PTPRM: variants seen among roughly 807,000 people sequenced by gnomAD.
The protein encoded by PTPRM is receptor-type tyrosine-protein phosphatase mu.
In PTPRM, 47 loss-of-function variants were observed where a neutral mutation model predicts 186.7. The observed-to-expected ratio is 0.25, with a 90% confidence interval of 0.20 to 0.32. PTPRM has a LOEUF of 0.32. Ranked by LOEUF, PTPRM falls within the 10% of genes least tolerant of loss-of-function variation. The pLI is 1.00. For synonymous variants in PTPRM, 668 were observed against 674.9 expected (o/e 0.99, Z 0.16); for missense variants, 1,494 against 1,865.0 (o/e 0.80, Z 3.66).
intron 10 of PTPRM, among the ~76,000 whole-genome samples, chr18:8,087,825 T>C (rs913457885): frequency 1.3e-5 from 2 of 152,192 alleles, no homozygotes; most frequent in Non-Finnish European, 2.9e-5. Context: ...GAAAACGACC[T>C]CTAGCTTTCT....
intron 7 of PTPRM, among the ~76,000 whole-genome samples, chr18:8,014,570 T>C (rs778162557): frequency 6.6e-6 from 1 of 152,250 alleles, no homozygotes; most frequent in Non-Finnish European, 1.5e-5. Context: ...TTCAGTTGTT[T>C]ACTGCTAAAT....
At chr18:8,114,214 C>T (rs1005972045) in intron 12 of PTPRM, among the ~76,000 whole-genome samples, 1 of 149,494 alleles carries the variant, frequency 6.7e-6, no homozygotes, top group African/African-American at 2.5e-5. Context: ...AATTTGGTAT[C>T]TTTTTTTTTT....
intron 1 of PTPRM, among the ~76,000 whole-genome samples, chr18:7,763,596 A>G (rs955882789): frequency 2.0e-5 from 3 of 152,182 alleles, no homozygotes; most frequent in African/African-American, 7.2e-5. Flanking sequence ...GTATTAGAAG[A>G]AGTTCTCCTC....
At chr18:7,700,455 C>T (rs769534679) in intron 1 of PTPRM, among the ~76,000 whole-genome samples, 12 of 152,164 alleles carry the variant, frequency 7.9e-5, no homozygotes, top group Non-Finnish European at 1.6e-4. Context: ...AGCTGAAGTC[C>T]TAGGTAGTAG....
At chr18:8,361,724 C>G (rs1475847233) in intron 23 of PTPRM, among the ~76,000 whole-genome samples, 1 of 152,092 alleles carries the variant, frequency 6.6e-6, no homozygotes, top group African/African-American at 2.4e-5. Context: ...AAACTGAGTA[C>G]TAGAATGGTT....
At chr18:8,142,937 A>G (rs1254441940) in intron 13 of PTPRM, among the ~76,000 whole-genome samples, 1 of 152,204 alleles carries the variant, frequency 6.6e-6, no homozygotes, top group African/African-American at 2.4e-5. Flanking sequence ...CTCATGTTTT[A>G]GACATGAGAA....
chr18:8,238,649 G>GTTTTT (rs1568577885), intron 14 of PTPRM, among the ~76,000 whole-genome samples: 1 of 73,650 alleles, frequency 1.4e-5, no homozygotes, highest in Non-Finnish European at 2.9e-5. Flanking sequence ...ACTGTTTTGT[G>GTTTTT]TGTTTTTTTT....
intron 2 of PTPRM, among the ~76,000 whole-genome samples, chr18:7,835,188 CTTTT>C (rs58193493): frequency 1.6e-5 from 2 of 127,646 alleles, no homozygotes; most frequent in Non-Finnish European, 1.7e-5. Flanking sequence ...TGACATTTTT[CTTTT>C]TTTTTTTTTT....
At chr18:7,843,756 G>T (rs900317718) in intron 2 of PTPRM, among the ~76,000 whole-genome samples, 2 of 152,116 alleles carry the variant, frequency 1.3e-5, no homozygotes, top group African/African-American at 4.8e-5. Flanking sequence ...TCATTGTTAT[G>T]CCTCTCAGTT....
Position 8,070,343 on chromosome 18 carries a change from AT to A in PTPRM, c.1441+351del, listed in dbSNP as rs2089388809. 2.6e-5 allele frequency among the ~76,000 whole-genome samples: 4 copies of A among 152,138 alleles called. No homozygotes were observed. The South Asian group carries it at 8.3e-4, about 32-fold the overall frequency. On this transcript the variant is annotated intron_variant, in intron 8 of 32. Coordinates refer to ENST00000580170, the MANE Select transcript of PTPRM (RefSeq NM_001105244.2). ...GGACTGAAAAATTGTTGTTTTGGGT[AT>A]TAGATTATTTATATAAAATGTTTAC...
intron 14 of PTPRM, among the ~76,000 whole-genome samples, chr18:8,228,851 CAAAAG>C (rs759449598): frequency 5.3e-5 from 8 of 151,914 alleles, no homozygotes; most frequent in Non-Finnish European, 1.0e-4. Flanking sequence ...GACTCCGTCT[CAAAAG>C]AAAAGAAAAA....
intron 14 of PTPRM, among the ~76,000 whole-genome samples, chr18:8,232,534 CT>C (rs569144036): frequency 1.3e-5 from 2 of 151,968 alleles, no homozygotes; most frequent in East Asian, 1.9e-4. Context: ...AACTGTTTTT[CT>C]TTTTTTTGAG....
chr18:7,948,184 C>G (rs983236214), intron 5 of PTPRM, among the ~76,000 whole-genome samples: 4 of 148,156 alleles, frequency 2.7e-5, no homozygotes, highest in African/African-American at 5.0e-5. Context: ...CACAGGTTTC[C>G]GCTTTCAGGG....
At chr18:8,262,811 T>C (rs1372570200) in intron 19 of PTPRM, among the ~76,000 whole-genome samples, 2 of 152,268 alleles carry the variant, frequency 1.3e-5, no homozygotes, top group African/African-American at 4.8e-5. Context: ...ATGTGCTGAA[T>C]TGATTTCTAT....
At chr18:7,806,546 TTGAC>T (rs1336610830) in intron 2 of PTPRM, among the ~76,000 whole-genome samples, 1 of 152,104 alleles carries the variant, frequency 6.6e-6, no homozygotes, top group African/African-American at 2.4e-5. Flanking sequence ...AAAAAATCAA[TTGAC>T]TGATTTATGA....
At chr18:7,944,266 G>A (rs1022304179) in intron 5 of PTPRM, among the ~76,000 whole-genome samples, 1 of 152,180 alleles carries the variant, frequency 6.6e-6, no homozygotes, top group Non-Finnish European at 1.5e-5. Context: ...GGAGAAAGAT[G>A]TTACTGCAGT....
At chr18:8,246,700 G>A (rs578157408) in intron 15 of PTPRM, among the ~76,000 whole-genome samples, 12 of 151,896 alleles carry the variant, frequency 7.9e-5, no homozygotes, top group Non-Finnish European at 1.3e-4. Flanking sequence ...ATAAACATGC[G>A]TTGTAAGTGT....
At chr18:8,245,791 A>C (rs1251252903) in intron 15 of PTPRM, among the ~76,000 whole-genome samples, 1 of 152,152 alleles carries the variant, frequency 6.6e-6, no homozygotes, top group African/African-American at 2.4e-5. Flanking sequence ...ACTTAGAATC[A>C]CTCATCCCAA....
chr18:7,788,092 C>T (rs903767745), intron 2 of PTPRM, among the ~76,000 whole-genome samples: 8 of 151,804 alleles, frequency 5.3e-5, no homozygotes, highest in Non-Finnish European at 1.2e-4. Context: ...GAGCATACCT[C>T]GATAAGTTAC....
Sources: gnomAD v4.1 joint callset for allele counts (sites outside exome capture counted in the v4.1 genomes callset) on GRCh38, gnomAD v4.1.1 for gene constraint, MANE v1.5 for transcripts, NCBI Gene and HGNC (gene_info 2026-07-23, HGNC 2026-07-21) for gene names.